DENND2B: variants seen among roughly 807,000 people sequenced by gnomAD.
DENND2B encodes the protein DENN domain containing 2B.
DENND2B carries 32 observed loss-of-function variants against 116.0 expected under a neutral mutation model. That is an observed-to-expected ratio of 0.28 (90% CI 0.21 to 0.37). DENND2B has a LOEUF of 0.37. Among genes scored for constraint, DENND2B ranks in the 10% least tolerant of loss-of-function variants. The pLI is 1.00. For missense variants in DENND2B, 1,276 were observed against 1,477.7 expected (o/e 0.86, Z 2.24); for synonymous variants, 588 against 583.9 (o/e 1.01, Z -0.10).
intron 1 of DENND2B, among the ~76,000 whole-genome samples, chr11:8,751,307 T>C (rs61875934): frequency 6.6e-6 from 1 of 152,156 alleles, no homozygotes; most frequent in South Asian, 2.1e-4. Flanking sequence ...ATCAGCTCTC[T>C]GTAAAACAGA....
At chr11:8,832,769 G>C (rs1285015910) in intron 4 of DENND2B, among the ~76,000 whole-genome samples, 1 of 152,246 alleles carries the variant, frequency 6.6e-6, no homozygotes, top group Non-Finnish European at 1.5e-5. Flanking sequence ...TCACAACAAG[G>C]ATTCTGGCAA....
chr11:8,782,553 T>C (rs2058474382), intron 1 of DENND2B, among the ~76,000 whole-genome samples: 1 of 152,192 alleles, frequency 6.6e-6, no homozygotes. Flanking sequence ...ATTTTTATTA[T>C]ATTAACCTTT....
chr11:8,751,732 C>A (rs2134053889), intron 1 of DENND2B, among the ~76,000 whole-genome samples: 1 of 152,204 alleles, frequency 6.6e-6, no homozygotes, highest in African/African-American at 2.4e-5. Context: ...TCACAGAAAA[C>A]AAAATAAACA....
In DENND2B at chr11:8,852,185, T is replaced by C. The variant is rs151006982; in HGVS notation, c.-156+5158A>G. Among the ~76,000 whole-genome samples, 457 of 152,316 alleles carry C rather than the reference T, an allele frequency of 3.0e-3. 3 individuals are homozygous for C. Among genetic ancestry groups the C allele is most frequent in the African/African-American group, 0.011 (438 of 41,570 alleles). On this transcript the variant is annotated intron_variant, in intron 3 of 6. Coordinates refer to the DENND2B transcript ENST00000524757. ...GCGCCTACTATGTTGACAAGCTACA[T>C]GCAATTTCGGCGTGGCAGAAGGGCA... is the stretch of plus-strand genomic sequence containing the variant.
chr11:8,715,108 G>A (rs534010001), intron 6 of DENND2B, among the ~76,000 whole-genome samples: 4 of 152,330 alleles, frequency 2.6e-5, no homozygotes, highest in East Asian at 1.9e-4. Context: ...CTGGGGCCCC[G>A]ACAGGAAGAA....
At chr11:8,819,695 A>G (rs1414168371) in intron 4 of DENND2B, among the ~76,000 whole-genome samples, 1 of 152,232 alleles carries the variant, frequency 6.6e-6, no homozygotes, top group Non-Finnish European at 1.5e-5. Flanking sequence ...ATATTCTACA[A>G]AATACCTGAC....
intron 1 of DENND2B, among the ~76,000 whole-genome samples, chr11:8,764,951 A>C (rs1307038117): frequency 1.1e-5 from 1 of 94,140 alleles, no homozygotes; most frequent in Non-Finnish European, 2.4e-5. Context: ...TCAAAAAAAA[A>C]AAAAAAAAAA....
intron 1 of DENND2B, among the ~76,000 whole-genome samples, chr11:8,779,774 C>T (rs930712765): frequency 6.6e-6 from 1 of 152,192 alleles, no homozygotes; most frequent in Non-Finnish European, 1.5e-5. Flanking sequence ...CTCAGCCTCC[C>T]GAAGTGCTCG....
Position 8,696,606 on chromosome 11 carries a change from A to G in DENND2B, c.3113T>C (p.Val1038Ala), listed in dbSNP as rs1475167172. The change falls in exon 18 of 20, where the codon GTT (valine) becomes GCT (alanine). Residue 1038 changes from valine (V) to alanine (A), a missense_variant. Val to Ala is a moderately conservative substitution (Grantham distance 64). Around this residue, in one of 2 missense-constraint regions of DENND2B, gnomAD observed 420 missense variants for 631.1 expected, o/e 0.67. Coordinates refer to ENST00000313726, the MANE Select transcript of DENND2B (RefSeq NM_213618.2). ...EVFIRFFVET[V>A]GHYSLFLTQS... ...TGTCAGAAAGAGGGAGTAGTGCCCA[A>G]CGGTCTCCACAAAGAACCGGATAAA... 2 of 1,614,158 alleles carry G rather than the reference A, an allele frequency of 1.2e-6. No individual in the cohort carries two copies. Among genetic ancestry groups the G allele is most frequent in the Non-Finnish European group, 1.7e-6 (2 of 1,180,026 alleles).
intron 1 of DENND2B, among the ~76,000 whole-genome samples, chr11:8,798,330 TC>T (rs1405474131): frequency 6.6e-6 from 1 of 152,114 alleles, no homozygotes; most frequent in Non-Finnish European, 1.5e-5. Context: ...AGAGTTAGAT[TC>T]CCCCTCACTC....
chr11:8,779,140 A>G (rs1329661170), intron 1 of DENND2B, among the ~76,000 whole-genome samples: 1 of 152,222 alleles, frequency 6.6e-6, no homozygotes, highest in Non-Finnish European at 1.5e-5. Context: ...CAAACTAGAA[A>G]GACAGGACAA....
chr11:8,826,585 T>A (rs923031176), intron 4 of DENND2B, among the ~76,000 whole-genome samples: 3 of 152,182 alleles, frequency 2.0e-5, no homozygotes, highest in Non-Finnish European at 4.4e-5. Context: ...AGAAGAGCAG[T>A]GGCCATTCAA....
upstream of DENND2B, among the ~76,000 whole-genome samples, chr11:8,872,332 C>G (rs1031904312): frequency 6.6e-6 from 1 of 151,824 alleles, no homozygotes; most frequent in Admixed American, 6.6e-5. Flanking sequence ...ACTAAAAATA[C>G]GAAAGTTAGC....
intron 4 of DENND2B, among the ~76,000 whole-genome samples, chr11:8,826,676 A>T (rs559619691): frequency 6.6e-6 from 1 of 152,338 alleles, no homozygotes; most frequent in African/African-American, 2.4e-5. Context: ...AACATCCTAC[A>T]GGAGAAGATG....
intron 4 of DENND2B, among the ~76,000 whole-genome samples, chr11:8,827,646 T>C (rs936763717): frequency 4.6e-5 from 7 of 152,204 alleles, no homozygotes; most frequent in African/African-American, 1.7e-4. Context: ...CCCAGAGAGA[T>C]GCGAGAGTTG....
chr11:8,796,115 C>T (rs1465397580), intron 1 of DENND2B, among the ~76,000 whole-genome samples: 1 of 152,206 alleles, frequency 6.6e-6, no homozygotes, highest in Non-Finnish European at 1.5e-5. Context: ...TCCATCTAAG[C>T]AGGCTGATTG....
intron 14 of DENND2B, among the ~76,000 whole-genome samples, chr11:8,700,282 G>A (rs1284787516): frequency 6.6e-6 from 1 of 152,184 alleles, no homozygotes; most frequent in Non-Finnish European, 1.5e-5. Flanking sequence ...GCTCATTCCA[G>A]CTGTTGGGCT....
In DENND2B at chr11:8,750,724, C is replaced by T; in HGVS notation, c.-24G>A. On this transcript the variant is annotated splice_region_variant and 5_prime_UTR_variant, in exon 2 of 20. Transcript: ENST00000313726. The stretch of plus-strand genomic sequence containing the variant: ...ATTTCGGCTCTCTGCAAACCCAGAG[C>T]CCTGCAAAGACGACAATGCCGGTAA... The T allele has an allele frequency of 1.2e-6, 2 of 1,614,058 alleles. No individual in the cohort carries two copies. The highest frequency in any genetic ancestry group is 2.2e-5 in the South Asian group (2 of 91,058).
upstream of DENND2B, chr11:8,811,087 T>G (rs2061352550): frequency 2.6e-6 from 1 of 389,068 alleles, no homozygotes; most frequent in South Asian, 1.4e-4. Context: ...CTGAAGCGCT[T>G]GAAGGGGACC....
Sources: allele counts gnomAD v4.1 joint callset (sites outside exome capture counted in the v4.1 genomes callset), GRCh38; gene constraint gnomAD v4.1.1; regional missense constraint gnomAD v4.1.1; transcripts MANE v1.5; gene names NCBI Gene and HGNC (gene_info 2026-07-23, HGNC 2026-07-21).